The following DLG2 variants were observed in gnomAD, a reference collection of about 807,000 sequenced individuals.
DLG2 encodes the protein disks large homolog 2.
DLG2 carries 45 observed loss-of-function variants against 132.5 expected under a neutral mutation model. The ratio of observed to expected loss-of-function variants is 0.34; its 90% confidence interval spans 0.27 to 0.44. The LOEUF (loss-of-function observed/expected upper bound fraction) is 0.44, where lower values mean the gene tolerates loss of function less well. Ranked by LOEUF, DLG2 falls within the 20% of genes least tolerant of loss-of-function variation. The probability of loss-of-function intolerance (pLI) is 1.00; values close to 1 mark genes in which losing one functional copy is unlikely to be tolerated. For missense variants in DLG2, 1,045 were observed against 1,196.9 expected, an observed-to-expected ratio of 0.87 and a Z score of 1.87; for synonymous variants, 424 against 419.6, an observed-to-expected ratio of 1.01 and a Z score of -0.13.
intron 15 of DLG2, among the ~76,000 whole-genome samples, chr11:83,921,949 T>G (rs916443924): frequency 1.3e-5 from 2 of 152,122 alleles, no homozygotes; most frequent in Non-Finnish European, 2.9e-5. Context: ...CCAATCTGGT[T>G]TCACTTCCCA....
intron 16 of DLG2, among the ~76,000 whole-genome samples, chr11:83,836,385 T>C (rs1017158394): frequency 6.6e-6 from 1 of 152,204 alleles, no homozygotes; most frequent in African/African-American, 2.4e-5. Context: ...CCCATTTCCT[T>C]GCTGGCCATC....
At chr11:83,966,893 AT>A (rs2090326807) in intron 12 of DLG2, among the ~76,000 whole-genome samples, 1 of 151,764 alleles carries the variant, frequency 6.6e-6, no homozygotes, top group African/African-American at 2.4e-5. Context: ...GTATCTCCCC[AT>A]TTTCCACCTC....
intron 3 of DLG2, among the ~76,000 whole-genome samples, chr11:85,417,725 T>C (rs569992636): frequency 2.0e-5 from 3 of 152,348 alleles, no homozygotes; most frequent in African/African-American, 4.8e-5. Context: ...TTCTAGTTTA[T>C]TTGCATAGAG....
rs73513105 is a variant in DLG2, at chr11:84,662,866, G to A, written c.358-128135C>T. 1.6e-3 allele frequency among the ~76,000 whole-genome samples: 240 copies of A among 150,910 alleles called. 2 individuals carry two copies. The highest frequency in any genetic ancestry group is 5.5e-3 in the African/African-American group (228 of 41,190). ...GATCCTTCCAGTCAGGGATTAAACC[G>A]GAGAACTGAGAAAAGGTGGAGCTAT... On this transcript the variant is annotated intron_variant, in intron 6 of 27. Coordinates refer to ENST00000376104, the MANE Select transcript of DLG2 (RefSeq NM_001142699.3).
intron 7 of DLG2, among the ~76,000 whole-genome samples, chr11:84,427,446 C>T (rs1240790544): frequency 6.6e-6 from 1 of 152,098 alleles, no homozygotes; most frequent in South Asian, 2.1e-4. Flanking sequence ...GCCAGGTCTA[C>T]AGTCTTTCAC....
chr11:85,166,778 C>T (rs1056470178), intron 4 of DLG2, among the ~76,000 whole-genome samples: 1 of 152,050 alleles, frequency 6.6e-6, no homozygotes, highest in Non-Finnish European at 1.5e-5. Context: ...AAAGTGAATG[C>T]CCATAGATAT....
At chr11:85,316,732 ATCT>A (rs762160648) in intron 3 of DLG2, among the ~76,000 whole-genome samples, 4 of 151,870 alleles carry the variant, frequency 2.6e-5, no homozygotes, top group African/African-American at 4.8e-5. Context: ...AAAATAGAAA[ATCT>A]TCTTTGGCAG....
chr11:83,739,254 T>C (rs1162864307), intron 18 of DLG2, among the ~76,000 whole-genome samples: 3 of 152,170 alleles, frequency 2.0e-5, no homozygotes, highest in African/African-American at 7.2e-5. Flanking sequence ...ATAAGAATCT[T>C]TTGTGCTATG....
In DLG2 at chr11:84,170,140, C is replaced by A. The variant is rs1451846967; in HGVS notation, c.574-6629G>T. Among the ~76,000 whole-genome samples, 3 of 152,132 alleles carry A rather than the reference C, an allele frequency of 2.0e-5. No individual in the cohort carries two copies. The East Asian group carries it at 5.8e-4, about 29-fold the overall frequency. Reference sequence around the variant, plus strand: ...TCCAGAAAAATCTTTAGACCCAAGTCACCTATGAACTCCAAAAATTGAGTT... The same window carrying A: ...TCCAGAAAAATCTTTAGACCCAAGTAACCTATGAACTCCAAAAATTGAGTT... On this transcript the variant is annotated intron_variant, in intron 8 of 27. Transcript: ENST00000376104.
chr11:84,410,917 T>C (rs2098898916), intron 7 of DLG2, among the ~76,000 whole-genome samples: 2 of 152,204 alleles, frequency 1.3e-5, no homozygotes, highest in Non-Finnish European at 2.9e-5. Flanking sequence ...GATCTTATGT[T>C]AATGTTATTA....
chr11:84,529,197 G>C (rs2099329421), intron 7 of DLG2, among the ~76,000 whole-genome samples: 1 of 152,090 alleles, frequency 6.6e-6, no homozygotes, highest in African/African-American at 2.4e-5. Flanking sequence ...ATACTGAATG[G>C]ACAAAAGTTG....
chr11:84,470,426 C>T (rs1602701221), intron 7 of DLG2, among the ~76,000 whole-genome samples: 1 of 151,568 alleles, frequency 6.6e-6, no homozygotes, highest in East Asian at 1.9e-4. Flanking sequence ...AGTCATTGTT[C>T]CTGTTGTCTA....
At chr11:84,046,243 T>C (rs1354152762) in intron 11 of DLG2, among the ~76,000 whole-genome samples, 1 of 151,614 alleles carries the variant, frequency 6.6e-6, no homozygotes, top group Non-Finnish European at 1.5e-5. Flanking sequence ...AATATTAGTT[T>C]GGTGCAAAAG....
chr11:85,533,007 TTTGTTGTTG>T (rs142405019), intron 3 of DLG2, among the ~76,000 whole-genome samples: 12 of 151,240 alleles, frequency 7.9e-5, no homozygotes, highest in East Asian at 5.9e-4. Context: ...CTAAGGTGTT[TTTGTTGTTG>T]TTGTTGTTGT....
intron 3 of DLG2, among the ~76,000 whole-genome samples, chr11:85,492,915 G>C (rs1310902625): frequency 2.0e-5 from 3 of 151,934 alleles, no homozygotes; most frequent in Non-Finnish European, 4.4e-5. Flanking sequence ...TAAATTAAAA[G>C]TCACAACATC....
intron 18 of DLG2, chr11:83,720,759 T>TTA (rs1555357443): frequency 1.3e-5 from 2 of 149,454 alleles, no homozygotes; most frequent in African/African-American, 5.0e-5. Context: ...TTTTTTTTTT[T>TTA]AATTACCAGA....
chr11:83,517,251 C>G (rs529690720), intron 21 of DLG2, among the ~76,000 whole-genome samples: 1 of 152,258 alleles, frequency 6.6e-6, no homozygotes, highest in South Asian at 2.1e-4. Flanking sequence ...CTAAACTCTG[C>G]TTGCTTCATT....
At chr11:85,322,402 T>C (rs1234809265) in intron 3 of DLG2, among the ~76,000 whole-genome samples, 3 of 152,124 alleles carry the variant, frequency 2.0e-5, no homozygotes, top group Non-Finnish European at 4.4e-5. Flanking sequence ...GCCTAACCTA[T>C]ACTAGCATCT....
chr11:84,409,034 A>G lies in DLG2; in HGVS notation c.519+125536T>C, dbSNP rs567862689. On this transcript the variant is annotated intron_variant, in intron 7 of 27. Coordinates refer to ENST00000376104, the MANE Select transcript of DLG2 (RefSeq NM_001142699.3). ...GACTCACCATTTACAAAGGCCTTCA[A>G]TGATCTGGCCACTGTTTACTGCTCA... 1.1e-3 allele frequency among the ~76,000 whole-genome samples: 173 copies of G among 152,258 alleles called. 1 individual carries two copies. The highest frequency in any genetic ancestry group is 2.0e-3 in the Non-Finnish European group (136 of 68,012).
Sources: gnomAD v4.1 joint callset for allele counts (sites outside exome capture counted in the v4.1 genomes callset) on GRCh38, gnomAD v4.1.1 for gene constraint, MANE v1.5 for transcripts, NCBI Gene and HGNC (gene_info 2026-07-23, HGNC 2026-07-21) for gene names.